The following AGBL4 variants were observed in gnomAD, a reference collection of about 807,000 sequenced individuals.
AGBL4 encodes cytosolic carboxypeptidase 6.
Under a neutral mutation model 66.4 loss-of-function variants are expected in AGBL4, and 58 were observed. The ratio of observed to expected loss-of-function variants is 0.87; its 90% CI spans 0.71 to 1.09. The LOEUF (loss-of-function observed/expected upper bound fraction) is 1.09. Ranked by LOEUF, AGBL4 falls within the 50% of genes least tolerant of loss-of-function variation. The pLI, the probability that AGBL4 is intolerant of heterozygous loss-of-function variation, is 0.00. For missense variants in AGBL4, 579 were observed against 631.0 expected (o/e 0.92, Z 0.88); for synonymous variants, 234 against 222.9 (o/e 1.05, Z -0.44).
intron 3 of AGBL4, among the ~76,000 whole-genome samples, chr1:49,254,685 C>G (rs1266323715): frequency 6.6e-6 from 1 of 152,014 alleles, no homozygotes; most frequent in Non-Finnish European, 1.5e-5. Context: ...CCTGTGGAAC[C>G]AAAAAGACCC....
At chr1:49,024,757 G>A (rs546502659) in intron 5 of AGBL4, among the ~76,000 whole-genome samples, 5 of 152,228 alleles carry the variant, frequency 3.3e-5, no homozygotes, top group South Asian at 4.2e-4. Flanking sequence ...TTACAAATGC[G>A]TTATATCCAA....
At position 50,023,925 on chromosome 1, in the gene AGBL4, G is replaced by T. The variant is rs1662645078; in HGVS notation, c.-129C>A. 4 of 1,105,768 alleles carry T rather than the reference G, an allele frequency of 3.6e-6. No individual in the cohort carries two copies. Among genetic ancestry groups the T allele is most frequent in the Non-Finnish European group, 3.7e-6 (3 of 813,918 alleles). The allele number at this position is 1,105,768 out of a possible 1,614,324, so 68.5% of individuals were successfully genotyped here. A position where few individuals can be genotyped will look rare whatever the true frequency, so the allele number is the denominator to read the frequency against. On this transcript the variant is annotated 5_prime_UTR_variant, in exon 1 of 14. Coordinates refer to ENST00000371839, the MANE Select transcript of AGBL4 (RefSeq NM_032785.4). ...CACGACGGTTGCCTGGGCAACGGGC[G>T]GCAGGCGCGCGGGTGGCCGGCGCGC...
intron 1 of AGBL4, among the ~76,000 whole-genome samples, chr1:49,992,222 A>C (rs559113447): frequency 6.6e-6 from 1 of 152,160 alleles, no homozygotes; most frequent in East Asian, 1.9e-4. Flanking sequence ...ACACAAAAAA[A>C]TTAGCCGGGC....
intron 5 of AGBL4, among the ~76,000 whole-genome samples, chr1:48,923,330 A>C (rs2148894373): frequency 6.6e-6 from 1 of 152,280 alleles, no homozygotes; most frequent in South Asian, 2.1e-4. Flanking sequence ...TCCAAGAGCT[A>C]GCAGAGTGCC....
chr1:49,618,664 C>A (rs1442427419), intron 3 of AGBL4, among the ~76,000 whole-genome samples: 3 of 151,862 alleles, frequency 2.0e-5, no homozygotes, highest in African/African-American at 7.3e-5. Flanking sequence ...GACACAACAA[C>A]AAAAAAAGAG....
In AGBL4 at chr1:48,786,161, A is replaced by T. The variant is rs540715758; in HGVS notation, c.634+81030T>A. Among the ~76,000 whole-genome samples, 18 of 152,356 alleles carry T rather than the reference A, an allele frequency of 1.2e-4. 2 individuals are homozygous for T. In the South Asian group the frequency reaches 3.7e-3, roughly 32 times the overall value. On this transcript the variant is annotated intron_variant, in intron 6 of 13. Coordinates refer to ENST00000371839, the MANE Select transcript of AGBL4 (RefSeq NM_032785.4). ...AGAATGTCTCTCAACCACACCAGAAAGTCAATACAAAATCAGAGGAGAGAA... is the reference window on the plus strand; with the variant it reads ...AGAATGTCTCTCAACCACACCAGAATGTCAATACAAAATCAGAGGAGAGAA...
intron 5 of AGBL4, among the ~76,000 whole-genome samples, chr1:48,931,879 G>C (rs552495899): frequency 5.9e-5 from 9 of 152,124 alleles, no homozygotes; most frequent in Non-Finnish European, 1.2e-4. Flanking sequence ...TTTGTTGGCT[G>C]AGTGACTGAA....
chr1:49,091,750 T>C (rs1557633391), intron 4 of AGBL4, among the ~76,000 whole-genome samples: 1 of 152,108 alleles, frequency 6.6e-6, no homozygotes, highest in East Asian at 1.9e-4. Context: ...CTCAGCGCTA[T>C]TCACAATGGC....
intron 4 of AGBL4, among the ~76,000 whole-genome samples, chr1:49,130,134 G>A (rs1456423965): frequency 7.9e-5 from 12 of 152,060 alleles, no homozygotes; most frequent in African/African-American, 1.2e-4. Context: ...GTCTGTTCAT[G>A]TCCTTTGCCC....
At chr1:48,663,331 G>A in intron 6 of AGBL4, 90 bp from the exon 7 acceptor site, 9 of 1,216,168 alleles carry the variant, frequency 7.4e-6, no homozygotes, top group Non-Finnish European at 1.1e-5. Flanking sequence ...CAGAGGGAAT[G>A]GGCTGGATGT....
At chr1:49,422,889 C>G (rs1055332832) in intron 3 of AGBL4, among the ~76,000 whole-genome samples, 14 of 152,158 alleles carry the variant, frequency 9.2e-5, no homozygotes, top group African/African-American at 3.4e-4. Context: ...AAGGGCAATA[C>G]CGTGTGCTCT....
At chr1:49,598,870 T>C (rs2124142012) in intron 3 of AGBL4, among the ~76,000 whole-genome samples, 1 of 152,306 alleles carries the variant, frequency 6.6e-6, no homozygotes, top group South Asian at 2.1e-4. Flanking sequence ...ATGTGGTTTT[T>C]GTCATTGTTT....
intron 2 of AGBL4, among the ~76,000 whole-genome samples, chr1:49,779,446 A>G (rs150443881): frequency 8.5e-5 from 13 of 152,254 alleles, no homozygotes; most frequent in Non-Finnish European, 1.9e-4. Context: ...GATGTGTTTC[A>G]TTGCTGAGGA....
chr1:49,272,494 T>C (rs1355857903), intron 3 of AGBL4, among the ~76,000 whole-genome samples: 2 of 152,196 alleles, frequency 1.3e-5, no homozygotes, highest in Non-Finnish European at 2.9e-5. Flanking sequence ...CCTTGACAAA[T>C]GTTTTTAGTC....
intron 9 of AGBL4, among the ~76,000 whole-genome samples, chr1:48,591,480 C>T (rs968128840): frequency 7.9e-5 from 12 of 152,134 alleles, no homozygotes; most frequent in Non-Finnish European, 1.8e-4. Context: ...AATCATGTCC[C>T]CACTTTGAGC....
At chr1:49,294,859 T>G (rs1644609506) in intron 3 of AGBL4, among the ~76,000 whole-genome samples, 1 of 152,230 alleles carries the variant, frequency 6.6e-6, no homozygotes, top group Non-Finnish European at 1.5e-5. Context: ...CTGTGCATTC[T>G]ATCACAGCAA....
intron 5 of AGBL4, among the ~76,000 whole-genome samples, chr1:48,893,156 C>T (rs1651138708): frequency 6.6e-6 from 1 of 152,146 alleles, no homozygotes; most frequent in South Asian, 2.1e-4. Flanking sequence ...GACTTTAGAC[C>T]TGCCTGTACC....
chr1:49,353,333 A>G (rs1044552768), intron 3 of AGBL4, among the ~76,000 whole-genome samples: 1 of 152,220 alleles, frequency 6.6e-6, no homozygotes, highest in Non-Finnish European at 1.5e-5. Context: ...CCTCAATACT[A>G]TGTATAACAT....
chr1:49,329,076 G>A (rs1333128490), intron 3 of AGBL4, among the ~76,000 whole-genome samples: 1 of 152,186 alleles, frequency 6.6e-6, no homozygotes, highest in Non-Finnish European at 1.5e-5. Context: ...GGAGGCTGAG[G>A]TGGGAGGATC....
Sources: gnomAD v4.1 joint callset for allele counts (sites outside exome capture counted in the v4.1 genomes callset) on GRCh38, gnomAD v4.1.1 for gene constraint, MANE v1.5 for transcripts, NCBI Gene and HGNC (gene_info 2026-07-23, HGNC 2026-07-21) for gene names.